ZMYND8: variants seen among roughly 807,000 people sequenced by gnomAD.
ZMYND8 encodes the protein zinc finger MYND-type containing 8.
ZMYND8 carries 37 observed loss-of-function variants against 140.8 expected under a neutral mutation model. The ratio of observed to expected loss-of-function variants is 0.26; its 90% confidence interval spans 0.20 to 0.35. ZMYND8 has a LOEUF of 0.35. Among genes scored for constraint, ZMYND8 ranks in the 10% least tolerant of loss-of-function variants. The pLI, the probability that ZMYND8 is intolerant of heterozygous loss-of-function variation, is 1.00. For missense variants in ZMYND8, 1,068 were observed against 1,570.0 expected, an observed-to-expected ratio of 0.68 and a Z score of 5.40; for synonymous variants, 592 against 597.1, an observed-to-expected ratio of 0.99 and a Z score of 0.12.
At position 47,298,395 on chromosome 20, in the gene ZMYND8, C is replaced by A. The variant is rs938300477; in HGVS notation, c.453+334G>T. The stretch of plus-strand genomic sequence containing the variant: ...CAAGACGGAGAAAACAGAATGAGAT[C>A]TTTTCAAAATGTGTGAGCCGTTCAT... On this transcript the variant is annotated intron_variant, in intron 4 of 22. Coordinates refer to ENST00000471951, the MANE Select transcript of ZMYND8 (RefSeq NM_001281775.3). The surrounding 1 kb of genome is among the most constrained non-coding windows in gnomAD (Gnocchi z 5.0). 1.7e-5 allele frequency: 17 copies of A among 985,274 alleles called. No homozygotes were observed. The African/African-American group carries it at 2.8e-4, about 16-fold the overall frequency. The allele number at this position is 985,274 out of a possible 1,614,324, so 61.0% of individuals were successfully genotyped here. A position where few individuals can be genotyped will look rare whatever the true frequency, so the allele number is the denominator to read the frequency against.
chr20:47,307,652 A>C (rs1379172535), intron 3 of ZMYND8, among the ~76,000 whole-genome samples: 4 of 151,884 alleles, frequency 2.6e-5, no homozygotes, highest in Non-Finnish European at 5.9e-5. Flanking sequence ...GCATGGTGAA[A>C]CCCCATCTGT....
chr20:47,308,517 G>A (rs2078679702), intron 3 of ZMYND8, among the ~76,000 whole-genome samples: 3 of 152,094 alleles, frequency 2.0e-5, no homozygotes, highest in Admixed American at 6.6e-5. Context: ...CACCGCGCCT[G>A]GCCAGACATG....
At chr20:47,337,259 C>G (rs893411401) in intron 2 of ZMYND8, among the ~76,000 whole-genome samples, 3 of 151,860 alleles carry the variant, frequency 2.0e-5, no homozygotes, top group African/African-American at 7.3e-5. Flanking sequence ...GGCTGAGACA[C>G]GAGAATCAAT....
chr20:47,287,586 A>T (rs898990278), intron 7 of ZMYND8, among the ~76,000 whole-genome samples: 1 of 152,218 alleles, frequency 6.6e-6, no homozygotes, highest in East Asian at 1.9e-4. Flanking sequence ...GGCTCAAATT[A>T]ATGAAAAAAG....
At chr20:47,331,593 T>C (rs1435905380) in intron 2 of ZMYND8, among the ~76,000 whole-genome samples, 1 of 152,148 alleles carries the variant, frequency 6.6e-6, no homozygotes, top group African/African-American at 2.4e-5. Context: ...AGGAACGTGC[T>C]AGGCGAGACA....
chr20:47,305,916 T>C (rs1453696693), intron 3 of ZMYND8, among the ~76,000 whole-genome samples: 1 of 152,300 alleles, frequency 6.6e-6, no homozygotes, highest in African/African-American at 2.4e-5. Flanking sequence ...TCTTGCCCCA[T>C]ATACTACAGG....
Position 47,347,775 on chromosome 20 carries a change from A to G in ZMYND8, c.85+81T>C. 2.8e-6 allele frequency: 4 copies of G among 1,405,508 alleles called. No homozygotes were observed. In the South Asian group the frequency reaches 4.7e-5, roughly 17 times the overall value. 87.1% of individuals were successfully genotyped at this position (1,405,508 alleles called of 1,614,324 possible). A position where few individuals can be genotyped will look rare whatever the true frequency, so the allele number is the denominator to read the frequency against. ...ACAACGTCGGCTCAGAGAGCCACAC[A>G]CTTCACTGCACTACAACAACAAAAA... On this transcript the variant is annotated intron_variant, in intron 2 of 22. Transcript: ENST00000471951.
chr20:47,272,833 T>G (rs931750990), intron 11 of ZMYND8, among the ~76,000 whole-genome samples: 5 of 152,380 alleles, frequency 3.3e-5, no homozygotes, highest in South Asian at 4.1e-4. Context: ...GAGGCTACTA[T>G]ATTATTTTCT....
In ZMYND8 at chr20:47,282,869, T is replaced by C. The variant is rs78372920; in HGVS notation, c.883-652A>G. Among the ~76,000 whole-genome samples, 262 of 152,334 alleles carry C rather than the reference T, an allele frequency of 1.7e-3. 1 individual carries two copies. Among genetic ancestry groups the C allele is most frequent in the African/African-American group, 6.1e-3 (252 of 41,578 alleles). On this transcript the variant is annotated intron_variant, in intron 9 of 22. Coordinates refer to ENST00000471951, the MANE Select transcript of ZMYND8 (RefSeq NM_001281775.3). ...CAATGACACCAATACCTTCTGTTTT[T>C]GGATTAAATGTGCATCATACCTAGC...
At chr20:47,275,004 G>GGAGA (rs138261572) in intron 11 of ZMYND8, among the ~76,000 whole-genome samples, 1 of 151,804 alleles carries the variant, frequency 6.6e-6, no homozygotes, top group Non-Finnish European at 1.5e-5. Flanking sequence ...AGAGAGGGAG[G>GGAGA]GAGAGAGAGA....
chr20:47,224,508 C>T lies in ZMYND8; in HGVS notation c.3065G>A (p.Arg1022Gln). 1 of 1,614,124 alleles carries T rather than the reference C, an allele frequency of 6.2e-7. No homozygotes were observed. Among genetic ancestry groups the T allele is most frequent in the Non-Finnish European group, 8.5e-7 (1 of 1,180,056 alleles). The change falls in exon 19 of 23, where the codon CGG becomes CAG. Residue 1022 changes from arginine (R) to glutamine (Q), a missense_variant. Arg to Gln is a conservative substitution (Grantham distance 43). Around this residue, in one of 10 missense-constraint regions of ZMYND8, gnomAD observed 87 missense variants for 151.1 expected, o/e 0.58. Transcript: ENST00000471951. The part of the protein sequence containing the change: ...MRQSLEQERD[R>Q]LIAEVKKQLE... Reference sequence around the variant, plus strand: ...CTGCTTCTTCACCTCGGCGATGAGCCGGTCCCGCTCCTGCTCCAGGCTCTG... The same window carrying T: ...CTGCTTCTTCACCTCGGCGATGAGCTGGTCCCGCTCCTGCTCCAGGCTCTG...
At chr20:47,313,554 G>A (rs967512786) in intron 2 of ZMYND8, among the ~76,000 whole-genome samples, 4 of 151,038 alleles carry the variant, frequency 2.6e-5, no homozygotes, top group Admixed American at 6.6e-5. Flanking sequence ...CCTGGGAGGC[G>A]GAGCTTGCAG....
intron 14 of ZMYND8, among the ~76,000 whole-genome samples, chr20:47,240,256 T>C (rs1166208292): frequency 6.6e-6 from 1 of 152,032 alleles, no homozygotes; most frequent in Non-Finnish European, 1.5e-5. Flanking sequence ...GGCTCACGCC[T>C]GTAATCCCAA....
At chr20:47,224,083 A>G (rs2037367136) in intron 19 of ZMYND8, among the ~76,000 whole-genome samples, 2 of 152,264 alleles carry the variant, frequency 1.3e-5, no homozygotes, top group South Asian at 4.1e-4. Context: ...TAGGCCTGAG[A>G]AGAGATCAAG....
chr20:47,223,362 T>A (rs1217452258), intron 19 of ZMYND8, among the ~76,000 whole-genome samples: 1 of 151,048 alleles, frequency 6.6e-6, no homozygotes, highest in African/African-American at 2.4e-5. Context: ...AAAAATTAGC[T>A]GCGCATGGTG....
chr20:47,290,009 AGATGTCAGCTCATACCTTAAAAT>A (rs1410807332), intron 7 of ZMYND8, among the ~76,000 whole-genome samples, 155 bp downstream of exon 7: 2 of 152,280 alleles, frequency 1.3e-5, no homozygotes, highest in Non-Finnish European at 2.9e-5. Flanking sequence ...AAGCCACTTT[AGATGTCAGCTCATACCTTAAAAT>A]GAACTTGGTC....
At chr20:47,253,084 G>A (rs926267137) in intron 12 of ZMYND8, among the ~76,000 whole-genome samples, 4 of 152,318 alleles carry the variant, frequency 2.6e-5, no homozygotes, top group Middle Eastern at 6.8e-3. Context: ...CCTGAAAGCC[G>A]TAAAATCTGC....
At position 47,246,303 on chromosome 20, in the gene ZMYND8, C is replaced by A. The variant is rs372084926; in HGVS notation, c.1989G>T (p.Glu663Asp). The A allele has an allele frequency of 2.6e-5, 42 of 1,614,168 alleles. No individual in the cohort carries two copies. The African/African-American group carries it at 5.1e-4, about 19-fold the overall frequency. Residue 663 changes from glutamate to aspartate, a missense_variant, in exon 14 of 23, where the codon GAG (glutamate) becomes GAT (aspartate). Physicochemically the swap from Glu to Asp is conservative, Grantham distance 45. This residue lies in a region of ZMYND8 where 383 missense variants were observed against 431.2 expected (regional missense o/e 0.89). Transcript: ENST00000471951. ...KKKPKPTNPV[E>D]IKEELKSTSP... The stretch of plus-strand genomic sequence containing the variant: ...ACGTGCTTTTCAGCTCCTCTTTAAT[C>A]TCCACTGGGTTTGTAGGCTTGGGCT...
intron 12 of ZMYND8, among the ~76,000 whole-genome samples, chr20:47,259,105 C>G (rs2147507700): frequency 6.6e-6 from 1 of 152,174 alleles, no homozygotes. Context: ...CGAGGAAGCC[C>G]AATGACCACC....
Sources: gnomAD v4.1 joint callset for allele counts (sites outside exome capture counted in the v4.1 genomes callset) on GRCh38, gnomAD v4.1.1 for gene constraint, gnomAD v4.1.1 regional missense constraint, Gnocchi (gnomAD v3.1) non-coding constraint, MANE v1.5 for transcripts, NCBI Gene and HGNC (gene_info 2026-07-23, HGNC 2026-07-21) for gene names.